Variants in NME9 observed in about 807,000 individuals in gnomAD.
NME9 encodes thioredoxin domain-containing protein 6.
Under a neutral mutation model 44.4 loss-of-function variants are expected in NME9, and 48 were observed. The ratio of observed to expected loss-of-function variants is 1.08; its 90% CI spans 0.86 to 1.37. The LOEUF (loss-of-function observed/expected upper bound fraction) is 1.37. Among genes scored for constraint, NME9 ranks in the 40% most tolerant of loss-of-function variants. The probability of loss-of-function intolerance (pLI) is 0.00; values close to 1 mark genes in which losing one functional copy is unlikely to be tolerated. For synonymous variants in NME9, 139 were observed against 147.1 expected (o/e 0.94, Z 0.40); for missense variants, 325 against 405.2 (o/e 0.80, Z 1.70).
intron 1 of NME9, among the ~76,000 whole-genome samples, chr3:138,328,426 T>C (rs1313112139): frequency 1.4e-5 from 2 of 147,932 alleles, no homozygotes; most frequent in Admixed American, 1.4e-4. Context: ...ACCACTAGGC[T>C]TTTGAAATCC....
chr3:138,261,556 T>G (rs1333190936), exon 9 of NME9: 1 of 152,154 alleles, frequency 6.6e-6, no homozygotes, highest in East Asian at 1.9e-4. Flanking sequence ...CTGAGTTGGT[T>G]TTTAAGTCAC....
At chr3:138,283,721 T>C (rs2050147065) in intron 8 of NME9, among the ~76,000 whole-genome samples, 1 of 152,132 alleles carries the variant, frequency 6.6e-6, no homozygotes, top group African/African-American at 2.4e-5. Context: ...ACAAGAACAG[T>C]TTTTCCTTTG....
At chr3:138,289,376 C>G (rs1214878684) in intron 8 of NME9, among the ~76,000 whole-genome samples, 1 of 152,090 alleles carries the variant, frequency 6.6e-6, no homozygotes, top group African/African-American at 2.4e-5. Flanking sequence ...AGTGACAGTC[C>G]CTGCCAGGAG....
chr3:138,323,869 GGCA>G, intron 2 of NME9, among the ~76,000 whole-genome samples: 1 of 152,216 alleles, frequency 6.6e-6, no homozygotes, highest in East Asian at 1.9e-4. Context: ...GTAGGTGGTA[GGCA>G]GCCTCTCAGA....
At chr3:138,271,790 T>C (rs951862776) in intron 8 of NME9, among the ~76,000 whole-genome samples, 7 of 149,934 alleles carry the variant, frequency 4.7e-5, no homozygotes, top group Non-Finnish European at 7.4e-5. Flanking sequence ...AAGATTTTTT[T>C]TTTCTTTCTT....
rs143488622 is a variant in NME9 at position 138,268,400 on chromosome 3, C to T, written c.746-5814G>A. On this transcript the variant is annotated intron_variant, in intron 8 of 8. Transcript: ENST00000317876. ...TTCCATCAGTTCTCTGCCCTGTAGA[C>T]GGGGTCTTGGCCTGATGATAATCCA... Among the ~76,000 whole-genome samples, 264 of 152,246 alleles carry T rather than the reference C, an allele frequency of 1.7e-3. 1 individual carries two copies. Among genetic ancestry groups the T allele is most frequent in the African/African-American group, 5.9e-3 (246 of 41,532 alleles).
At chr3:138,316,952 T>C (rs2053131039) in intron 4 of NME9, among the ~76,000 whole-genome samples, 1 of 152,232 alleles carries the variant, frequency 6.6e-6, no homozygotes, top group African/African-American at 2.4e-5. Flanking sequence ...GAAATGGATC[T>C]GGAGAGGGAG....
intron 8 of NME9, among the ~76,000 whole-genome samples, chr3:138,283,264 A>G (rs2050112409): frequency 6.6e-6 from 1 of 152,202 alleles, no homozygotes; most frequent in Non-Finnish European, 1.5e-5. Flanking sequence ...CTGCAAGAAA[A>G]CAATCTCCTC....
Position 138,315,702 on chromosome 3 carries a change from G to A in NME9, c.268-59C>T, listed in dbSNP as rs1461792605. ...TGGCAAATATTAATCTCTTGTAAGA[G>A]ATGGCAAGAGTGTCTAGGAGTGTCC... On this transcript the variant is annotated intron_variant, in intron 4 of 10. Coordinates refer to ENST00000333911, the MANE Select transcript of NME9 (RefSeq NM_001349018.2). 3.0e-6 allele frequency: 4 copies of A among 1,337,212 alleles called. No individual in the cohort carries two copies. The African/African-American group carries it at 4.3e-5, about 15-fold the overall frequency. The allele number at this position is 1,337,212 out of a possible 1,614,324, so 82.8% of individuals were successfully genotyped here.
intron 8 of NME9, among the ~76,000 whole-genome samples, chr3:138,280,917 C>T (rs933893460): frequency 2.0e-5 from 3 of 152,190 alleles, no homozygotes; most frequent in East Asian, 1.9e-4. Flanking sequence ...CATCAGCCAC[C>T]GCACCCAGCC....
intron 8 of NME9, among the ~76,000 whole-genome samples, chr3:138,292,500 G>T (rs1161898690): frequency 1.3e-5 from 2 of 152,174 alleles, no homozygotes; most frequent in Non-Finnish European, 2.9e-5. Flanking sequence ...TTGGATTCAG[G>T]ATTTAATCTG....
intron 8 of NME9, among the ~76,000 whole-genome samples, chr3:138,294,665 G>A (rs2051300922): frequency 1.3e-5 from 2 of 152,114 alleles, no homozygotes; most frequent in African/African-American, 4.8e-5. Context: ...TATTGTACCT[G>A]AACATTGTAG....
At chr3:138,279,313 ATTG>A (rs985493513) in intron 8 of NME9, among the ~76,000 whole-genome samples, 9 of 152,170 alleles carry the variant, frequency 5.9e-5, no homozygotes, top group African/African-American at 2.2e-4. Flanking sequence ...ATCTGTTGAA[ATTG>A]TTTTTTTAAA....
intron 6 of NME9, among the ~76,000 whole-genome samples, chr3:138,307,553 A>G (rs2052365737): frequency 6.6e-6 from 1 of 152,248 alleles, no homozygotes; most frequent in Non-Finnish European, 1.5e-5. Context: ...AATCATTTCA[A>G]GCAACAAATC....
At chr3:138,274,897 C>T (rs907274858) in intron 8 of NME9, among the ~76,000 whole-genome samples, 4 of 152,118 alleles carry the variant, frequency 2.6e-5, no homozygotes, top group African/African-American at 4.8e-5. Flanking sequence ...CCCTCTCCGC[C>T]GCCATGCTCT....
In NME9 at chr3:138,315,619, T is replaced by A. The variant is rs1057388597; in HGVS notation, c.292A>T (p.Arg98Ter). ...TGCAGCAGTGGGGCATTTGCTCCTCTAACCACAGCCACCAGTTCTCCTCCC... is the reference window on the plus strand; with the variant it reads ...TGCAGCAGTGGGGCATTTGCTCCTCAAACCACAGCCACCAGTTCTCCTCCC... ...YAGGELVAVV[R>*]GANAPLLQKT... Residue 98 changes from arginine to a stop codon, truncating the protein, a stop_gained, in exon 5 of 11, where the codon AGA (arginine) becomes TGA (stop). Transcript: ENST00000333911. LOFTEE classifies it high-confidence loss of function. 1 of 1,536,542 alleles carries A rather than the reference T, an allele frequency of 6.5e-7. No individual in the cohort carries two copies. The highest frequency in any genetic ancestry group is 2.0e-5 in the Admixed American group (1 of 50,982).
chr3:138,306,296 C>A, intron 7 of NME9, 102 bp downstream of exon 7: 2 of 957,236 alleles, frequency 2.1e-6, no homozygotes, highest in South Asian at 1.3e-5. Context: ...CCTTAGAATT[C>A]ATCTTTCTGC....
At chr3:138,263,950 G>A (rs2048002639) in intron 8 of NME9, 1 of 1,020,704 alleles carries the variant, frequency 9.8e-7, no homozygotes, top group South Asian at 1.3e-5. Flanking sequence ...AATTCATAGA[G>A]TATATAACAT....
chr3:138,318,081 AT>A lies in NME9; in HGVS notation c.267+66del, dbSNP rs2053210079. The A allele has an allele frequency of 4.1e-6, 4 of 971,772 alleles. No homozygotes were observed. The South Asian group carries it at 5.1e-5, about 12-fold the overall frequency. The allele number at this position is 971,772 out of a possible 1,614,324, so 60.2% of individuals were successfully genotyped here. On this transcript the variant is annotated intron_variant, in intron 4 of 10. Transcript: ENST00000333911. Reference sequence around the variant, plus strand: ...CCAAGAGTGAATTAATGTCAGTGAGATGCTTCTATTTTGAACTCTAATGATT... The same window carrying A: ...CCAAGAGTGAATTAATGTCAGTGAGAGCTTCTATTTTGAACTCTAATGATT...
Sources: gnomAD v4.1 joint callset for allele counts (sites outside exome capture counted in the v4.1 genomes callset) on GRCh38, gnomAD v4.1.1 for gene constraint, MANE v1.5 for transcripts, NCBI Gene and HGNC (gene_info 2026-07-23, HGNC 2026-07-21) for gene names.